HDAC8: variants seen among roughly 807,000 people sequenced by gnomAD.
HDAC8 encodes histone deacetylase-like 1.
Under a neutral mutation model 32.2 loss-of-function variants are expected in HDAC8, and 1 was observed. The ratio of observed to expected loss-of-function variants is 0.03; its 90% confidence interval spans 0.01 to 0.15. The LOEUF is 0.15. HDAC8 is among the 10% of genes least tolerant of loss of function. HDAC8 has a pLI of 1.00. For synonymous variants in HDAC8, 108 were observed against 113.9 expected, an observed-to-expected ratio of 0.95 and a Z score of 0.33; for missense variants, 117 against 300.0, an observed-to-expected ratio of 0.39 and a Z score of 4.51.
At chrX:72,508,029 C>A (rs782245456) in intron 4 of HDAC8, among the ~76,000 whole-genome samples, 1 of 112,029 alleles carries the variant, frequency 8.9e-6, no homozygotes, top group East Asian at 2.8e-4. Context: ...CTTACCCAGG[C>A]ACAACCAGAT....
At chrX:72,361,681 C>T (rs782477964) in intron 9 of HDAC8, among the ~76,000 whole-genome samples, 1 of 105,887 alleles carries the variant, frequency 9.4e-6, no homozygotes, top group Admixed American at 1.0e-4. Context: ...GTACTAGGTG[C>T]TAAGCATCAT....
chrX:72,453,491 A>AGAAAGAAG lies in HDAC8; in HGVS notation c.1005+8512_1005+8513insCTTCTTTC, dbSNP rs1425890603. On this transcript the variant is annotated intron_variant, in intron 9 of 10. Transcript: ENST00000373573. Reference sequence around the variant, plus strand: ...AAGAAAGAAAGAAAGAAAGAAAGAAAGAAAGAAAGAAAGAAAGAAAGAAAG... The same window carrying AGAAAGAAG: ...AAGAAAGAAAGAAAGAAAGAAAGAAAGAAAGAAGGAAAGAAAGAAAGAAAGAAAGAAAG... 8.3e-3 allele frequency among the ~76,000 whole-genome samples: 886 copies of AGAAAGAAG among 107,389 alleles called. 12 individuals are homozygous for AGAAAGAAG. Among genetic ancestry groups the AGAAAGAAG allele is most frequent in the African/African-American group, 0.022 (651 of 29,120 alleles). The allele number at this position is 107,389 out of a possible 115,157, so 93.3% of individuals were successfully genotyped here.
chrX:72,522,944 G>C (rs1472962785), intron 4 of HDAC8, among the ~76,000 whole-genome samples: 2 of 111,927 alleles, frequency 1.8e-5, no homozygotes, highest in Non-Finnish European at 3.8e-5. Context: ...AATAAGTGTA[G>C]AGCTCTGTCA....
chrX:72,373,296 A>G (rs2044942039), intron 9 of HDAC8, among the ~76,000 whole-genome samples: 1 of 111,964 alleles, frequency 8.9e-6, no homozygotes, highest in African/African-American at 3.2e-5. Context: ...TAGCATATTT[A>G]CAAAGTTGTG....
intron 4 of HDAC8, among the ~76,000 whole-genome samples, chrX:72,553,287 G>A (rs1218129363): frequency 2.7e-5 from 3 of 111,269 alleles, no homozygotes; most frequent in East Asian, 2.8e-4. Context: ...CTTGTGATCC[G>A]CCTGCCTCGG....
At chrX:72,520,701 G>A (rs2049955691) in intron 4 of HDAC8, among the ~76,000 whole-genome samples, 1 of 112,330 alleles carries the variant, frequency 8.9e-6, no homozygotes, top group Non-Finnish European at 1.9e-5. Flanking sequence ...TTCCAAAAAT[G>A]TCTTTAATAA....
intron 2 of HDAC8, among the ~76,000 whole-genome samples, chrX:72,569,130 A>G (rs1253117537): frequency 8.9e-6 from 1 of 112,444 alleles, no homozygotes; most frequent in Non-Finnish European, 1.9e-5. Context: ...ATAGGTAAGT[A>G]AACAAAAGTA....
chrX:72,336,503 T>A (rs1358570619), intron 10 of HDAC8, among the ~76,000 whole-genome samples: 1 of 112,572 alleles, frequency 8.9e-6, no homozygotes, highest in East Asian at 2.8e-4. Context: ...CAGAGGAGCA[T>A]CTGCACTTAC....
At chrX:72,565,710 A>C (rs140594662) in intron 4 of HDAC8, among the ~76,000 whole-genome samples, 63 of 112,023 alleles carry the variant, frequency 5.6e-4, no homozygotes, top group African/African-American at 1.8e-3. Flanking sequence ...AAGCCACACT[A>C]CTTTTCTTCT....
At chrX:72,367,770 G>A (rs1426490089) in intron 9 of HDAC8, among the ~76,000 whole-genome samples, 1 of 112,499 alleles carries the variant, frequency 8.9e-6, no homozygotes, top group Non-Finnish European at 1.9e-5. Context: ...AGACATGGGC[G>A]GCAAATGCCT....
At chrX:72,553,518 G>A (rs191337015) in intron 4 of HDAC8, among the ~76,000 whole-genome samples, 85 of 111,543 alleles carry the variant, frequency 7.6e-4, no homozygotes, top group Admixed American at 1.1e-3. Flanking sequence ...ATTTTGGGTC[G>A]GTTTACTTCC....
Position 72,350,619 on chromosome X carries a change from G to A in HDAC8, c.1111+1114C>T, listed in dbSNP as rs1397253707. On this transcript the variant is annotated intron_variant, in intron 10 of 10. Coordinates refer to ENST00000373573, the MANE Select transcript of HDAC8 (RefSeq NM_018486.3). ...GCCTCTTAACTCTGGCAAATAATTA[G>A]GATCTAAAAAATACACATATGTATA... Among the ~76,000 whole-genome samples, 4 of 112,302 alleles carry A rather than the reference G, an allele frequency of 3.6e-5. No individual in the cohort carries two copies. The Admixed American group carries it at 3.8e-4, about 11-fold the overall frequency.
At chrX:72,503,693 C>T (rs782024375) in intron 4 of HDAC8, among the ~76,000 whole-genome samples, 75 of 112,061 alleles carry the variant, frequency 6.7e-4, no homozygotes, top group African/African-American at 2.3e-3. Flanking sequence ...TCTGTCTGCC[C>T]TTCTTACCAG....
intron 9 of HDAC8, among the ~76,000 whole-genome samples, chrX:72,439,246 T>C (rs782801034): frequency 9.0e-5 from 10 of 111,582 alleles, no homozygotes; most frequent in African/African-American, 2.9e-4. Context: ...TAAAATCCCT[T>C]ATGGACAGGC....
chrX:72,560,565 T>TAAAA (rs147846647), intron 4 of HDAC8, among the ~76,000 whole-genome samples: 138 of 35,139 alleles, frequency 3.9e-3, no homozygotes, highest in East Asian at 8.5e-3. Flanking sequence ...CAATAAATAC[T>TAAAA]AAAAAAAAAA....
At chrX:72,351,432 T>C (rs1216859438) in intron 10 of HDAC8, among the ~76,000 whole-genome samples, 6 of 112,217 alleles carry the variant, frequency 5.3e-5, no homozygotes, top group African/African-American at 1.9e-4. Context: ...GCTTTACTAT[T>C]GGCCTTTTGA....
chrX:72,332,942 G>A (rs1325835348), intron 10 of HDAC8, among the ~76,000 whole-genome samples: 3 of 111,814 alleles, frequency 2.7e-5, no homozygotes, highest in African/African-American at 9.7e-5. Flanking sequence ...GTGAGCCACT[G>A]CACCCAGCCC....
At chrX:72,368,325 G>A (rs943140074) in intron 9 of HDAC8, among the ~76,000 whole-genome samples, 7 of 105,394 alleles carry the variant, frequency 6.6e-5, no homozygotes, top group East Asian at 3.0e-4. Flanking sequence ...CAAAGTCAGA[G>A]TTCCTCATTC....
chrX:72,473,438 T>C (rs889330392), intron 7 of HDAC8: 1 of 112,998 alleles, frequency 8.8e-6, no homozygotes, highest in Non-Finnish European at 1.9e-5. Context: ...AGAACTTTAT[T>C]CAGAATAGAG....
Sources: allele counts gnomAD v4.1 joint callset (sites outside exome capture counted in the v4.1 genomes callset), GRCh38; gene constraint gnomAD v4.1.1; transcripts MANE v1.5; gene names NCBI Gene and HGNC (gene_info 2026-07-23, HGNC 2026-07-21).